Variants in TNFRSF21 observed in about 807,000 individuals in gnomAD.
The protein encoded by TNFRSF21 is tumor necrosis factor receptor superfamily member 21.
A neutral mutation model predicts 45.6 loss-of-function variants in TNFRSF21; 19 were observed. The observed-to-expected ratio is 0.42, with a 90% CI of 0.29 to 0.61. The LOEUF is 0.61. TNFRSF21 is among the 20% of genes least tolerant of loss of function. The pLI is 0.23. For missense variants in TNFRSF21, 737 were observed against 851.5 expected (o/e 0.87, Z 1.67); for synonymous variants, 314 against 335.5 (o/e 0.94, Z 0.70).
At chr6:47,239,115 GTC>G (rs1764707262) in intron 4 of TNFRSF21, among the ~76,000 whole-genome samples, 1 of 151,924 alleles carries the variant, frequency 6.6e-6, no homozygotes, top group Admixed American at 6.6e-5. Flanking sequence ...GCGAAACCCT[GTC>G]TCTACTAAAA....
At chr6:47,294,074 A>T (rs1044414742) in intron 1 of TNFRSF21, among the ~76,000 whole-genome samples, 1 of 152,208 alleles carries the variant, frequency 6.6e-6, no homozygotes, top group African/African-American at 2.4e-5. Context: ...ACAGACCATA[A>T]ATAATTAGAA....
At chr6:47,273,589 T>C (rs1762457604) in intron 3 of TNFRSF21, among the ~76,000 whole-genome samples, 1 of 152,180 alleles carries the variant, frequency 6.6e-6, no homozygotes, top group Non-Finnish European at 1.5e-5. Flanking sequence ...ACTTTCCCTT[T>C]GAAAAATGGC....
chr6:47,273,157 C>T (rs1445623414), intron 3 of TNFRSF21, among the ~76,000 whole-genome samples: 3 of 152,210 alleles, frequency 2.0e-5, no homozygotes, highest in Non-Finnish European at 2.9e-5. Flanking sequence ...CTCCCTAACT[C>T]ATTTTATGAG....
chr6:47,246,528 A>G (rs970226054), intron 4 of TNFRSF21, among the ~76,000 whole-genome samples: 1 of 152,246 alleles, frequency 6.6e-6, no homozygotes, highest in Non-Finnish European at 1.5e-5. Context: ...TGAATTTGTC[A>G]GTTCCTTCTA....
rs776817313 is a variant in TNFRSF21, at chr6:47,284,171, C to G, written c.1010G>C (p.Arg337Thr). Residue 337 changes from arginine to threonine, a missense_variant, in exon 3 of 6, where the codon AGA (arginine) becomes ACA (threonine). Physicochemically the swap from Arg to Thr is moderately conservative, Grantham distance 71. Transcript: ENST00000296861. ...PIKGPKRGHP[R>T]QNLHKHFDIN... ...GTCAAAATGCTTGTGTAGGTTCTGT[C>G]TAGGATGTCCCCTCTTGGGGCCCTT... 1.2e-5 allele frequency: 20 copies of G among 1,614,186 alleles called. 1 individual carries two copies. In the South Asian group the frequency reaches 2.2e-4, roughly 18 times the overall value.
chr6:47,282,006 A>G (rs900393637), intron 3 of TNFRSF21, among the ~76,000 whole-genome samples: 2 of 152,072 alleles, frequency 1.3e-5, no homozygotes, highest in Non-Finnish European at 2.9e-5. Flanking sequence ...TAGGTGTCCA[A>G]TCTTTTGGCT....
chr6:47,309,062 G>A (rs539573851), intron 1 of TNFRSF21, among the ~76,000 whole-genome samples: 2 of 152,320 alleles, frequency 1.3e-5, no homozygotes, highest in East Asian at 3.9e-4. Context: ...GCCGATGGGT[G>A]GGGGGCTGTG....
intron 4 of TNFRSF21, among the ~76,000 whole-genome samples, chr6:47,251,525 C>G (rs965856309): frequency 1.3e-5 from 2 of 152,132 alleles, no homozygotes; most frequent in Admixed American, 1.3e-4. Flanking sequence ...GACATGCACT[C>G]TCACCTTCTT....
chr6:47,232,551 A>G lies in TNFRSF21; in HGVS notation c.*214T>C. 1 of 550,560 alleles carries G rather than the reference A, an allele frequency of 1.8e-6. No homozygotes were observed. The highest frequency in any genetic ancestry group is 3.4e-5 in the Admixed American group (1 of 29,340). 34.1% of individuals were successfully genotyped at this position (550,560 alleles called of 1,614,324 possible). A position where few individuals can be genotyped will look rare whatever the true frequency, so the allele number is the denominator to read the frequency against. On this transcript the variant is annotated 3_prime_UTR_variant, in exon 6 of 6. Transcript: ENST00000296861. ...GCAAAGGCTTATAAACCAACTTCCC[A>G]GAAGAGTTATTTAAAAAAAAAAGAG...
chr6:47,243,130 T>C (rs73473620), intron 4 of TNFRSF21, among the ~76,000 whole-genome samples: 11,154 of 152,238 alleles, frequency 0.073, 433 homozygotes, highest in African/African-American at 0.09. Flanking sequence ...TTAATTAGAT[T>C]CATGCCATTA....
intron 3 of TNFRSF21, among the ~76,000 whole-genome samples, chr6:47,269,943 AC>A (rs1448089719): frequency 6.6e-6 from 1 of 152,122 alleles, no homozygotes; most frequent in Non-Finnish European, 1.5e-5. Context: ...TATTTCTATA[AC>A]CCCAGCCTCT....
At chr6:47,239,484 G>A (rs1204927543) in intron 4 of TNFRSF21, among the ~76,000 whole-genome samples, 1 of 152,082 alleles carries the variant, frequency 6.6e-6, no homozygotes, top group Non-Finnish European at 1.5e-5. Context: ...TTTTATTCAT[G>A]ACAAGGGTGG....
chr6:47,281,971 A>G (rs1762573300), intron 3 of TNFRSF21, among the ~76,000 whole-genome samples: 1 of 152,078 alleles, frequency 6.6e-6, no homozygotes, highest in African/African-American at 2.4e-5. Flanking sequence ...CCCGACTTTC[A>G]CTTGACTTTT....
intron 5 of TNFRSF21, among the ~76,000 whole-genome samples, chr6:47,233,638 TA>T (rs1438957145): frequency 6.7e-6 from 1 of 150,076 alleles, no homozygotes; most frequent in Non-Finnish European, 1.5e-5. Flanking sequence ...TTTTCTAAAA[TA>T]TATTATATAA....
chr6:47,302,567 T>C (rs1049518434), intron 1 of TNFRSF21, among the ~76,000 whole-genome samples: 3 of 152,194 alleles, frequency 2.0e-5, no homozygotes, highest in African/African-American at 7.2e-5. Context: ...AGTCACACCA[T>C]AGGAAAATGC....
chr6:47,278,648 G>T (rs1762529210), intron 3 of TNFRSF21, among the ~76,000 whole-genome samples: 1 of 152,178 alleles, frequency 6.6e-6, no homozygotes, highest in Non-Finnish European at 1.5e-5. Context: ...GAAGCTATGT[G>T]GGGAGACAAA....
chr6:47,281,384 A>AT (rs763460053), intron 3 of TNFRSF21, among the ~76,000 whole-genome samples: 1,668 of 144,698 alleles, frequency 0.012, 22 homozygotes, highest in African/African-American at 0.031. Context: ...TCTATATGTG[A>AT]TTTTTTTTTT....
chr6:47,282,300 G>A (rs370552391), intron 3 of TNFRSF21, among the ~76,000 whole-genome samples: 9 of 149,888 alleles, frequency 6.0e-5, no homozygotes, highest in African/African-American at 1.2e-4. Context: ...CAGGAGAATC[G>A]CTTGAACCTG....
At chr6:47,255,471 GT>G (rs1203252540) in intron 3 of TNFRSF21, among the ~76,000 whole-genome samples, 1 of 144,946 alleles carries the variant, frequency 6.9e-6, no homozygotes, top group Non-Finnish European at 1.5e-5. Context: ...TTTTTTTTTT[GT>G]TTTTTTGAGA....
Sources: allele counts gnomAD v4.1 joint callset (sites outside exome capture counted in the v4.1 genomes callset), GRCh38; gene constraint gnomAD v4.1.1; transcripts MANE v1.5; gene names NCBI Gene and HGNC (gene_info 2026-07-23, HGNC 2026-07-21).